Variants in GALNT17 observed in about 807,000 individuals in gnomAD.
The protein encoded by GALNT17 is UDP-GalNAc:polypeptide N-acetylgalactosaminyltransferase-like 3.
Under a neutral mutation model 63.7 loss-of-function variants are expected in GALNT17, and 29 were observed. That is an observed-to-expected ratio of 0.46 (90% confidence interval 0.34 to 0.62). The LOEUF (loss-of-function observed/expected upper bound fraction) is 0.62. Among genes scored for constraint, GALNT17 ranks in the 20% least tolerant of loss-of-function variants. The probability of loss-of-function intolerance (pLI) is 0.01; values close to 1 mark genes in which losing one functional copy is unlikely to be tolerated. For synonymous variants in GALNT17, 305 were observed against 318.3 expected, an observed-to-expected ratio of 0.96 and a Z score of 0.45; for missense variants, 603 against 799.6, an observed-to-expected ratio of 0.75 and a Z score of 2.97.
At chr7:71,529,461 A>G (rs1281517042) in intron 5 of GALNT17, among the ~76,000 whole-genome samples, 1 of 152,234 alleles carries the variant, frequency 6.6e-6, no homozygotes, top group Non-Finnish European at 1.5e-5. Context: ...TCACAGATGT[A>G]TAAGATTTAA....
intron 1 of GALNT17, among the ~76,000 whole-genome samples, chr7:71,197,227 T>C (rs1023521528): frequency 1.5e-5 from 2 of 133,530 alleles, no homozygotes; most frequent in Non-Finnish European, 3.1e-5. Context: ...TGAGACAGAG[T>C]GTCGCTCTTT....
At chr7:71,204,566 TTTTC>T (rs1463853666) in intron 1 of GALNT17, among the ~76,000 whole-genome samples, 1 of 138,128 alleles carries the variant, frequency 7.2e-6, no homozygotes, top group Non-Finnish European at 1.5e-5. Context: ...TCTTTTTTCT[TTTTC>T]TTTTTTTTTT....
intron 6 of GALNT17, among the ~76,000 whole-genome samples, chr7:71,592,031 G>A (rs1484394399): frequency 6.6e-6 from 1 of 152,214 alleles, no homozygotes; most frequent in African/African-American, 2.4e-5. Context: ...CTGTCCGTCT[G>A]TCAGTTGCCT....
chr7:71,663,619 G>A (rs964828910), intron 6 of GALNT17, among the ~76,000 whole-genome samples: 4 of 152,224 alleles, frequency 2.6e-5, no homozygotes, highest in Admixed American at 2.0e-4. Flanking sequence ...CCTCCTGGAA[G>A]AAGCAAGCAA....
chr7:71,667,653 T>C (rs1160528417), intron 7 of GALNT17, among the ~76,000 whole-genome samples: 2 of 152,120 alleles, frequency 1.3e-5, no homozygotes, highest in African/African-American at 2.4e-5. Context: ...GATGAAGAAA[T>C]TGAAGCTATG....
chr7:71,243,448 T>C (rs1207281491), intron 1 of GALNT17, among the ~76,000 whole-genome samples: 1 of 152,202 alleles, frequency 6.6e-6, no homozygotes, highest in Admixed American at 6.5e-5. Flanking sequence ...CTAATATAAT[T>C]CCGGCTTGCT....
intron 5 of GALNT17, among the ~76,000 whole-genome samples, chr7:71,479,661 T>C (rs1230090607): frequency 6.6e-6 from 1 of 152,126 alleles, no homozygotes; most frequent in Non-Finnish European, 1.5e-5. Context: ...TGCCCAGAGA[T>C]TGTAAAATCT....
intron 5 of GALNT17, among the ~76,000 whole-genome samples, chr7:71,569,964 C>T (rs1355005920): frequency 1.3e-5 from 2 of 151,916 alleles, no homozygotes; most frequent in Non-Finnish European, 2.9e-5. Flanking sequence ...AAACTGCTTT[C>T]CACAGGGTCT....
intron 6 of GALNT17, among the ~76,000 whole-genome samples, chr7:71,601,815 T>C (rs942531421): frequency 1.3e-5 from 2 of 151,850 alleles, no homozygotes; most frequent in African/African-American, 4.8e-5. Flanking sequence ...ATAAGAAAAC[T>C]GAAAATTGGG....
At chr7:71,554,957 G>T (rs1343129239) in intron 5 of GALNT17, among the ~76,000 whole-genome samples, 1 of 152,176 alleles carries the variant, frequency 6.6e-6, no homozygotes, top group Non-Finnish European at 1.5e-5. Flanking sequence ...TCTGCAGGTT[G>T]TACAAGAAGC....
chr7:71,574,636 T>A (rs1170528734), intron 6 of GALNT17, among the ~76,000 whole-genome samples: 1 of 152,138 alleles, frequency 6.6e-6, no homozygotes, highest in African/African-American at 2.4e-5. Flanking sequence ...TACACAGAAT[T>A]CTCTGGTTCT....
chr7:71,162,663 A>G (rs577063721), intron 1 of GALNT17, among the ~76,000 whole-genome samples: 2 of 152,288 alleles, frequency 1.3e-5, no homozygotes, highest in African/African-American at 4.8e-5. Flanking sequence ...CATCCTGTGG[A>G]TGCTTACTGA....
intron 1 of GALNT17, among the ~76,000 whole-genome samples, chr7:71,190,764 A>G (rs1788936521): frequency 6.6e-6 from 1 of 151,818 alleles, no homozygotes; most frequent in Admixed American, 6.6e-5. Flanking sequence ...ACCGAGTATC[A>G]GGGACTACAG....
intron 5 of GALNT17, among the ~76,000 whole-genome samples, chr7:71,490,224 T>C (rs1225588771): frequency 1.3e-5 from 2 of 150,722 alleles, no homozygotes; most frequent in African/African-American, 4.9e-5. Context: ...GCCATTGCAC[T>C]CTAGCCTGGG....
At chr7:71,478,173 G>A (rs114346113) in intron 5 of GALNT17, among the ~76,000 whole-genome samples, 215 of 152,244 alleles carry the variant, frequency 1.4e-3, no homozygotes, top group African/African-American at 4.8e-3. Flanking sequence ...CAGCGTGCTT[G>A]TAGCTGGGGG....
chr7:71,674,351 A>ATTT (rs771787670), intron 8 of GALNT17, among the ~76,000 whole-genome samples: 19,304 of 147,608 alleles, frequency 0.13, 2,147 homozygotes, highest in East Asian at 0.54. Flanking sequence ...TTCCTTTTTA[A>ATTT]AAAAAAAAAA....
In GALNT17 at chr7:71,665,455, G is replaced by A. The variant is rs767652454; in HGVS notation, c.1125G>A (p.Arg375=). ...GCATGGAGGTCCTTCCTTGCTCACG[G>A]GTGGCCCACATTGAGCGGAAGAAGA... is the stretch of plus-strand genomic sequence containing the variant. ...GGSMEVLPCS[R]VAHIERKKKP... The change falls in exon 7 of 11, where the codon CGG becomes CGA. Residue 375 remains arginine, a synonymous_variant. Coordinates refer to ENST00000333538, the MANE Select transcript of GALNT17 (RefSeq NM_022479.3). The A allele has an allele frequency of 1.9e-6, 3 of 1,612,982 alleles. No individual in the cohort carries two copies. The highest frequency in any genetic ancestry group is 2.2e-5 in the East Asian group (1 of 44,850).
chr7:71,493,533 C>A (rs1229164685), intron 5 of GALNT17, among the ~76,000 whole-genome samples: 1 of 152,092 alleles, frequency 6.6e-6, no homozygotes, highest in East Asian at 1.9e-4. Context: ...GGGCAGCAGA[C>A]AAGAGAGAAT....
At chr7:71,709,114 T>C (rs1791757370) in intron 9 of GALNT17, among the ~76,000 whole-genome samples, 1 of 152,222 alleles carries the variant, frequency 6.6e-6, no homozygotes, top group Non-Finnish European at 1.5e-5. Flanking sequence ...GTTCTACTTT[T>C]AGTTCTTTGA....
Sources: allele counts gnomAD v4.1 joint callset (sites outside exome capture counted in the v4.1 genomes callset), GRCh38; gene constraint gnomAD v4.1.1; transcripts MANE v1.5; gene names NCBI Gene and HGNC (gene_info 2026-07-23, HGNC 2026-07-21).